Variants in DNAJC16 observed in about 807,000 individuals in gnomAD.
The protein encoded by DNAJC16 is dnaJ homolog subfamily C member 16.
DNAJC16 carries 76 observed loss-of-function variants against 92.7 expected under a neutral mutation model. The ratio of observed to expected loss-of-function variants is 0.82; its 90% CI spans 0.68 to 0.99. DNAJC16 has a LOEUF of 0.99. DNAJC16 is among the 50% of genes least tolerant of loss of function. The pLI, the probability that DNAJC16 is intolerant of heterozygous loss-of-function variation, is 0.00. For synonymous variants in DNAJC16, 328 were observed against 358.7 expected (o/e 0.91, Z 0.97); for missense variants, 869 against 942.4 (o/e 0.92, Z 1.02).
Position 15,548,347 on chromosome 1 carries a change from A to G in DNAJC16, c.942A>G (p.Thr314=), listed in dbSNP as rs745407260. Reference sequence around the variant, plus strand: ...GTTTGAGAGGGACGGAAGAGATGACAAGGCGGTACAACATCAATATCTACG... The same window carrying G: ...GTTTGAGAGGGACGGAAGAGATGACGAGGCGGTACAACATCAATATCTACG... The part of the protein sequence containing the change: ...YVGLRGTEEM[T]RRYNINIYAP... Residue 314 remains threonine (T), a synonymous_variant, in exon 7 of 15, where the codon ACA becomes ACG. Coordinates refer to ENST00000375847, the MANE Select transcript of DNAJC16 (RefSeq NM_015291.4). 2.5e-5 allele frequency: 41 copies of G among 1,614,042 alleles called. No individual in the cohort carries two copies. The highest frequency in any genetic ancestry group is 1.8e-4 in the South Asian group (16 of 91,088).
At position 15,568,423 on chromosome 1, in the gene DNAJC16, C is replaced by G. The variant is rs1336681871; in HGVS notation, c.*246C>G. ...TATTTTTCCCCACTGAATGCCACACCATTGAAAATAGACTGCTCATCCCCT... is the reference window on the plus strand; with the variant it reads ...TATTTTTCCCCACTGAATGCCACACGATTGAAAATAGACTGCTCATCCCCT... On this transcript the variant is annotated 3_prime_UTR_variant, in exon 15 of 15. Transcript: ENST00000375847. The G allele has an allele frequency of 7.4e-6, 4 of 540,874 alleles. No individual in the cohort carries two copies. The highest frequency in any genetic ancestry group is 5.7e-5 in the African/African-American group (3 of 52,664). The allele number at this position is 540,874 out of a possible 1,614,324, so 33.5% of individuals were successfully genotyped here.
At chr1:15,559,483 A>G (rs1293475640) in intron 7 of DNAJC16, 43 bp from the exon 8 acceptor site, 2 of 1,611,046 alleles carry the variant, frequency 1.2e-6, no homozygotes, top group Non-Finnish European at 1.7e-6. Context: ...ATTTGCATTG[A>G]GAACACTGCA....
intron 14 of DNAJC16, among the ~76,000 whole-genome samples, 182 bp from the exon 15 acceptor site, chr1:15,567,596 G>C (rs1480601563): frequency 6.6e-6 from 1 of 152,210 alleles, no homozygotes; most frequent in African/African-American, 2.4e-5. Flanking sequence ...ATGGGTGATT[G>C]AAGTGTCGCA....
At chr1:15,561,916 A>G (rs950615277) in intron 8 of DNAJC16, among the ~76,000 whole-genome samples, 1 of 152,126 alleles carries the variant, frequency 6.6e-6, no homozygotes, top group Non-Finnish European at 1.5e-5. Context: ...AAATTCGTAA[A>G]TGTGGTAAAG....
chr1:15,566,221 G>GC (rs1638804202), intron 13 of DNAJC16, 41 bp downstream of exon 13: 1 of 1,510,438 alleles, frequency 6.6e-7, no homozygotes, highest in Non-Finnish European at 9.1e-7. Flanking sequence ...CCCGGCACCT[G>GC]CCCCCCAGAT....
At position 15,563,929 on chromosome 1, in the gene DNAJC16, G is replaced by A. The variant is rs144723605; in HGVS notation, c.1339G>A (p.Val447Met). The part of the protein sequence containing the change: ...DSEAFQGKSA[V>M]SILERRNTAG... ...TGTTTTTTCTCTACTTTTCTTCCAGGTGTCTATTTTAGAAAGGCGCAACAC... is the reference window on the plus strand; with the variant it reads ...TGTTTTTTCTCTACTTTTCTTCCAGATGTCTATTTTAGAAAGGCGCAACAC... The change falls in exon 10 of 15, where the codon GTG (valine) becomes ATG (methionine). Residue 447 changes from valine (V) to methionine (M), a missense_variant and splice_region_variant. Physicochemically the swap from Val to Met is conservative, Grantham distance 21. Transcript: ENST00000375847. 3.6e-5 allele frequency: 58 copies of A among 1,603,406 alleles called. No individual in the cohort carries two copies. The African/African-American group carries it at 7.1e-4, about 20-fold the overall frequency.
intron 7 of DNAJC16, among the ~76,000 whole-genome samples, chr1:15,549,944 T>C (rs1352800738): frequency 6.6e-6 from 1 of 152,192 alleles, no homozygotes; most frequent in Non-Finnish European, 1.5e-5. Flanking sequence ...TGTGCCTAAT[T>C]GATAAACTTT....
Position 15,536,774 on chromosome 1 carries a change from G to T in DNAJC16, c.534G>T (p.Glu178Asp), listed in dbSNP as rs767390896. 2.5e-5 allele frequency: 41 copies of T among 1,611,168 alleles called. No individual in the cohort carries two copies. The highest frequency in any genetic ancestry group is 3.3e-4 in the Middle Eastern group (2 of 6,076). Residue 178 changes from glutamate (E) to aspartate (D), a missense_variant, in exon 4 of 15, where the codon GAG becomes GAT. Coordinates refer to ENST00000375847, the MANE Select transcript of DNAJC16 (RefSeq NM_015291.4). ...SDWCFSCIHIEPVWKEVIQEL... is the reference protein window; with the variant it reads ...SDWCFSCIHIDPVWKEVIQEL... ...GGTGCTTTAGCTGCATTCATATCGA[G>T]CCTGTGTGGAAAGAAGTCATTCAAG...
intron 2 of DNAJC16, among the ~76,000 whole-genome samples, chr1:15,530,103 G>A (rs1205254432): frequency 1.3e-5 from 2 of 151,868 alleles, no homozygotes; most frequent in Non-Finnish European, 2.9e-5. Flanking sequence ...AGATATAGAG[G>A]GCTGACTATA....
At position 15,564,372 on chromosome 1, in the gene DNAJC16, C is replaced by G. The variant is rs749662406; in HGVS notation, c.1598+13C>G. The G allele has an allele frequency of 2.6e-6, 4 of 1,543,348 alleles. No individual in the cohort carries two copies. The South Asian group carries it at 3.4e-5, about 13-fold the overall frequency. On this transcript the variant is annotated intron_variant, in intron 11 of 14. Coordinates refer to ENST00000375847, the MANE Select transcript of DNAJC16 (RefSeq NM_015291.4). ...TTCACAACAACTGGTAGGGATATTG[C>G]CAGGCTGAATTTCTTTTTCTCTGTT...
intron 7 of DNAJC16, among the ~76,000 whole-genome samples, chr1:15,549,552 C>T (rs193157144): frequency 2.0e-5 from 3 of 152,240 alleles, no homozygotes; most frequent in South Asian, 2.1e-4. Context: ...TGGTGGCTCA[C>T]GCCTGTAATC....
chr1:15,567,013 A>C, intron 13 of DNAJC16, 86 bp from the exon 14 acceptor site: 1 of 1,283,070 alleles, frequency 7.8e-7, no homozygotes, highest in Non-Finnish European at 1.1e-6. Flanking sequence ...GTTAGAACAT[A>C]GCATTTTCTT....
Position 15,544,408 on chromosome 1 carries a change from T to C in DNAJC16, c.584T>C (p.Ile195Thr). ...IQELEELGVG[I>T]GVVHAGYERR... ...CTTCCATTCTTTTCAGGTGTAGGAA[T>C]TGGCGTGGTCCATGCTGGGTATGAG... The change falls in exon 5 of 15, where the codon ATT becomes ACT. Residue 195 changes from isoleucine to threonine, a missense_variant. Physicochemically the swap from Ile to Thr is moderately conservative, Grantham distance 89 (BLOSUM62 -1). Transcript: ENST00000375847. 5 of 1,611,194 alleles carry C rather than the reference T, an allele frequency of 3.1e-6. No homozygotes were observed. The highest frequency in any genetic ancestry group is 1.7e-4 in the Middle Eastern group (1 of 6,040).
rs376227845 is a variant in DNAJC16 at position 15,536,429 on chromosome 1, T to C, written c.235-46T>C. ...TCAAGCTGCTTACAAAAAAGTCTTT[T>C]GGATGAACCTTTTGTTGTTGTTTAG... On this transcript the variant is annotated intron_variant, in intron 3 of 14. Coordinates refer to ENST00000375847, the MANE Select transcript of DNAJC16 (RefSeq NM_015291.4). 3.7e-5 allele frequency: 55 copies of C among 1,474,492 alleles called. No individual in the cohort carries two copies. The African/African-American group carries it at 7.8e-4, about 21-fold the overall frequency. The allele number at this position is 1,474,492 out of a possible 1,614,324, so 91.3% of individuals were successfully genotyped here. A position where few individuals can be genotyped will look rare whatever the true frequency, so the allele number is the denominator to read the frequency against.
chr1:15,559,754 G>C, intron 8 of DNAJC16, 98 bp downstream of exon 8: 1 of 1,490,148 alleles, frequency 6.7e-7, no homozygotes, highest in Non-Finnish European at 9.1e-7. Flanking sequence ...GTAACATTGA[G>C]AACTTATTCT....
rs1185194261 is a variant in DNAJC16 at position 15,563,976 on chromosome 1, A to T, written c.1386A>T (p.Lys462Asn). The change falls in exon 10 of 15, where the codon AAA (lysine) becomes AAT (asparagine). Residue 462 changes from lysine (K) to asparagine (N), a missense_variant. Coordinates refer to ENST00000375847, the MANE Select transcript of DNAJC16 (RefSeq NM_015291.4). ...RRNTAGRVVY[K>N]TLEDPWIGSE... is the part of the protein sequence containing the mutation. ...ACACAGCAGGAAGGGTGGTGTATAA[A>T]ACCCTGGAAGACCCTTGGATTGGGA... 1 of 1,614,210 alleles carries T rather than the reference A, an allele frequency of 6.2e-7. No homozygotes were observed. The highest frequency in any genetic ancestry group is 8.5e-7 in the Non-Finnish European group (1 of 1,180,032).
At chr1:15,535,830 C>T (rs1710765471) in intron 3 of DNAJC16, among the ~76,000 whole-genome samples, 1 of 151,938 alleles carries the variant, frequency 6.6e-6, no homozygotes, top group African/African-American at 2.4e-5. Context: ...GATGCGATCA[C>T]AGCTCACTGC....
chr1:15,548,157 T>C (rs1344086362), intron 6 of DNAJC16, 113 bp from the exon 7 acceptor site: 1 of 941,810 alleles, frequency 1.1e-6, no homozygotes, highest in Admixed American at 2.6e-5. Context: ...CTAGTGGAGC[T>C]GTGTAAGCTG....
rs762165961 is a variant in DNAJC16 at position 15,570,770 on chromosome 1, G to A, written c.*2593G>A. 6.6e-6 allele frequency: 1 copy of A among 152,154 alleles called. No homozygotes were observed. The highest frequency in any genetic ancestry group is 2.4e-5 in the African/African-American group (1 of 41,428). 9.4% of individuals were successfully genotyped at this position (152,154 alleles called of 1,614,324 possible). A position where few individuals can be genotyped will look rare whatever the true frequency, so the allele number is the denominator to read the frequency against. ...AGGCATTCCTCCTGAATGCATCCAT[G>A]AATTTGTTTACTTTTGCGTCAAACA... On this transcript the variant is annotated 3_prime_UTR_variant, in exon 15 of 15. Transcript: ENST00000375847.
Sources: allele counts gnomAD v4.1 joint callset (sites outside exome capture counted in the v4.1 genomes callset), GRCh38; gene constraint gnomAD v4.1.1; transcripts MANE v1.5; gene names NCBI Gene and HGNC (gene_info 2026-07-23, HGNC 2026-07-21).